GRID2: variants seen among roughly 807,000 people sequenced by gnomAD.
GRID2 encodes the protein glutamate ionotropic receptor delta type subunit 2.
Under a neutral mutation model 114.8 loss-of-function variants are expected in GRID2, and 33 were observed. That is an observed-to-expected ratio of 0.29 (90% confidence interval 0.22 to 0.38). GRID2 has a LOEUF of 0.38. Among genes scored for constraint, GRID2 ranks in the 10% least tolerant of loss-of-function variants. The probability of loss-of-function intolerance (pLI) is 1.00; values close to 1 mark genes in which losing one functional copy is unlikely to be tolerated. For synonymous variants in GRID2, 505 were observed against 449.9 expected (o/e 1.12, Z -1.55); for missense variants, 1,184 against 1,257.7 (o/e 0.94, Z 0.89).
chr4:93,440,127 T>C lies in GRID2; in HGVS notation c.1546-15535T>C, dbSNP rs574597617. Among the ~76,000 whole-genome samples, 22 of 152,136 alleles carry C rather than the reference T, an allele frequency of 1.4e-4. 1 individual carries two copies. In the East Asian group the frequency reaches 3.7e-3, roughly 26 times the overall value. The stretch of plus-strand genomic sequence containing the variant: ...AACGCTTGTGAATGAAGAAGGGTTC[T>C]CAGCTGGGTGCCTGAAAGCCATCAA... On this transcript the variant is annotated intron_variant, in intron 10 of 15. Transcript: ENST00000282020.
chr4:92,317,922 G>A (rs1726082885), intron 1 of GRID2, among the ~76,000 whole-genome samples: 1 of 152,046 alleles, frequency 6.6e-6, no homozygotes, highest in South Asian at 2.1e-4. Context: ...TATTTATGGT[G>A]ATTTTTAAAA....
intron 2 of GRID2, among the ~76,000 whole-genome samples, chr4:93,028,379 A>G (rs1051361688): frequency 1.3e-5 from 2 of 152,210 alleles, no homozygotes; most frequent in Non-Finnish European, 2.9e-5. Flanking sequence ...AGGTGTATCC[A>G]TGGAACTGCA....
chr4:93,585,073 A>G (rs1044863982), intron 13 of GRID2, among the ~76,000 whole-genome samples: 6 of 152,100 alleles, frequency 3.9e-5, no homozygotes, highest in Non-Finnish European at 7.4e-5. Flanking sequence ...CAAGCAAAAT[A>G]CCTTGAGCAT....
intron 2 of GRID2, among the ~76,000 whole-genome samples, chr4:92,888,397 AT>A (rs1300205249): frequency 1.5e-4 from 23 of 152,060 alleles, no homozygotes; most frequent in Non-Finnish European, 3.1e-4. Flanking sequence ...AATCTTTCGA[AT>A]TTGCCCAGTC....
chr4:92,365,170 A>G (rs1349031197), intron 1 of GRID2, among the ~76,000 whole-genome samples: 1 of 152,122 alleles, frequency 6.6e-6, no homozygotes, highest in Non-Finnish European at 1.5e-5. Context: ...TTGAAGGAAT[A>G]TCTTCACTCC....
At chr4:92,848,635 G>A (rs1032577107) in intron 2 of GRID2, among the ~76,000 whole-genome samples, 12 of 151,866 alleles carry the variant, frequency 7.9e-5, no homozygotes, top group African/African-American at 2.9e-4. Context: ...TCAAGTTAAT[G>A]GGTAACTAGA....
At chr4:93,078,220 C>T (rs1257093670) in intron 2 of GRID2, among the ~76,000 whole-genome samples, 1 of 152,074 alleles carries the variant, frequency 6.6e-6, no homozygotes, top group African/African-American at 2.4e-5. Context: ...TCAAGGTAAC[C>T]TCCATCCACT....
chr4:92,310,878 A>T (rs1252185950), intron 1 of GRID2, among the ~76,000 whole-genome samples: 1 of 152,056 alleles, frequency 6.6e-6, no homozygotes, highest in African/African-American at 2.4e-5. Context: ...GTGACCTTCA[A>T]AAAAGGAAAT....
At chr4:93,291,865 G>A (rs906694640) in intron 8 of GRID2, among the ~76,000 whole-genome samples, 4 of 151,946 alleles carry the variant, frequency 2.6e-5, no homozygotes, top group African/African-American at 9.7e-5. Context: ...TGGAATGGCT[G>A]CATCAAATTA....
At chr4:93,238,578 T>C in intron 8 of GRID2, 88 bp downstream of exon 8, 1 of 1,099,156 alleles carries the variant, frequency 9.1e-7, no homozygotes, top group Non-Finnish European at 1.3e-6. Flanking sequence ...ACAGTACCCA[T>C]TAAAGTCAAT....
At chr4:92,826,032 G>A (rs866126540) in intron 2 of GRID2, among the ~76,000 whole-genome samples, 2 of 151,986 alleles carry the variant, frequency 1.3e-5, no homozygotes, top group Admixed American at 1.3e-4. Context: ...AAACACAAGT[G>A]GCATCTTGTC....
chr4:92,493,272 C>A lies in GRID2; in HGVS notation c.89-96859C>A, dbSNP rs115393365. ...ACTATTCTATTAAGTCTTCAAGAAG[C>A]ACAGACTCCCGACTCTACAAATTCC... On this transcript the variant is annotated intron_variant, in intron 1 of 15. Transcript: ENST00000282020. Among the ~76,000 whole-genome samples, 152 of 152,138 alleles carry A rather than the reference C, an allele frequency of 1.0e-3. 1 individual carries two copies. Among genetic ancestry groups the A allele is most frequent in the Admixed American group, 3.6e-3 (55 of 15,268 alleles).
chr4:93,646,811 T>C (rs965637256), intron 14 of GRID2, among the ~76,000 whole-genome samples: 1 of 152,070 alleles, frequency 6.6e-6, no homozygotes, highest in African/African-American at 2.4e-5. Context: ...GTTTGGATGT[T>C]ATATGATGGG....
At chr4:92,586,403 C>T (rs1346608996) in intron 1 of GRID2, among the ~76,000 whole-genome samples, 2 of 150,554 alleles carry the variant, frequency 1.3e-5, no homozygotes, top group Admixed American at 6.6e-5. Flanking sequence ...CATACACACA[C>T]ACAGACACCA....
At chr4:92,502,701 ATTTCTTT>A (rs1723744235) in intron 1 of GRID2, among the ~76,000 whole-genome samples, 2 of 105,226 alleles carry the variant, frequency 1.9e-5, no homozygotes, top group Admixed American at 1.1e-4. Context: ...ATGCCATGTG[ATTTCTTT>A]TTTTTTTTTT....
chr4:92,494,955 A>G (rs1303880483), intron 1 of GRID2, among the ~76,000 whole-genome samples: 2 of 152,014 alleles, frequency 1.3e-5, no homozygotes, highest in Non-Finnish European at 2.9e-5. Context: ...TACATTTTAT[A>G]TTATTGGGAT....
chr4:93,803,788 T>G (rs1001930519), intron 1 of GRID2, among the ~76,000 whole-genome samples: 2 of 152,214 alleles, frequency 1.3e-5, no homozygotes, highest in Non-Finnish European at 2.9e-5. Context: ...TTTTATGTGG[T>G]TCCTTTTTTA....
chr4:93,785,835 G>C (rs1016880387), intron 1 of GRID2, among the ~76,000 whole-genome samples: 1 of 152,182 alleles, frequency 6.6e-6, no homozygotes, highest in Admixed American at 6.5e-5. Flanking sequence ...TAAAGAGGTG[G>C]AAAGGAAGGA....
intron 1 of GRID2, among the ~76,000 whole-genome samples, chr4:92,478,807 T>TTCAAATTTGTCA (rs1722442547): frequency 6.6e-6 from 1 of 152,132 alleles, no homozygotes; most frequent in African/African-American, 2.4e-5. Flanking sequence ...AATATAGAAT[T>TTCAAATTTGTCA]TCAAATTTGT....
Sources: gnomAD v4.1 joint callset for allele counts (sites outside exome capture counted in the v4.1 genomes callset) on GRCh38, gnomAD v4.1.1 for gene constraint, MANE v1.5 for transcripts, NCBI Gene and HGNC (gene_info 2026-07-23, HGNC 2026-07-21) for gene names.